The following IFT74 variants were observed in gnomAD, a reference collection of about 807,000 sequenced individuals.
IFT74 encodes the protein intraflagellar transport protein 74 homolog.
In IFT74, 92 loss-of-function variants were observed where a neutral mutation model predicts 96.7. The observed-to-expected ratio is 0.95, with a 90% CI of 0.80 to 1.13. IFT74 has a LOEUF of 1.13. IFT74 is among the 50% of genes most tolerant of loss of function. The probability of loss-of-function intolerance (pLI) is 0.00; values close to 1 mark genes in which losing one functional copy is unlikely to be tolerated. For missense variants in IFT74, 811 were observed against 698.2 expected (o/e 1.16, Z -1.82); for synonymous variants, 223 against 213.2 (o/e 1.05, Z -0.40).
rs189611335 is a variant in IFT74, at chr9:27,052,639, A to G, written c.1334-2970A>G. ...TAGTATGATAAGGATTTTGCTGGAA[A>G]TTTTTCTTTGTAAGGGTTAAATTCT... On this transcript the variant is annotated intron_variant, in intron 16 of 19. Coordinates refer to ENST00000380062, the MANE Select transcript of IFT74 (RefSeq NM_025103.4). Among the ~76,000 whole-genome samples the G allele has an allele frequency of 2.0e-5, 3 of 152,110 alleles. No individual in the cohort carries two copies. In the East Asian group the frequency reaches 5.8e-4, roughly 29 times the overall value.
intron 2 of IFT74, among the ~76,000 whole-genome samples, chr9:26,964,325 C>T (rs1321160787): frequency 2.7e-5 from 4 of 148,704 alleles, no homozygotes; most frequent in African/African-American, 5.0e-5. Flanking sequence ...TGATCTATAT[C>T]TCTGTTTTGG....
At chr9:26,985,466 CAAT>C (rs1827591895) in intron 6 of IFT74, among the ~76,000 whole-genome samples, 1 of 151,880 alleles carries the variant, frequency 6.6e-6, no homozygotes, top group African/African-American at 2.4e-5. Context: ...ATTTCAAAAA[CAAT>C]AAAACATTTG....
intron 2 of IFT74, among the ~76,000 whole-genome samples, chr9:26,964,359 T>G (rs868346082): frequency 2.1e-4 from 32 of 150,284 alleles, no homozygotes; most frequent in South Asian, 1.5e-3. Context: ...CTGTTTTGGT[T>G]ACTGTAGCCT....
At chr9:27,033,573 C>CAAAAAAAAAAAAAAAAAAAAAAAAAAA (rs558712485) in intron 13 of IFT74, among the ~76,000 whole-genome samples, 1 of 66,288 alleles carries the variant, frequency 1.5e-5, no homozygotes, top group Non-Finnish European at 3.1e-5. Flanking sequence ...GACCCTGTCT[C>CAAAAAAAAAAAAAAAAAAAAAAAAAAA]AAAAAAAAAA....
At position 26,977,361 on chromosome 9, in the gene IFT74, G is replaced by C. The variant is rs1044877560; in HGVS notation, c.121-767G>C. On this transcript the variant is annotated intron_variant, in intron 2 of 19. Coordinates refer to ENST00000380062, the MANE Select transcript of IFT74 (RefSeq NM_025103.4). ...ACCTGTAATCCCAGCTACTTGGATA[G>C]CTGAGGCAGAAGGATCTCTTCAGGC... Among the ~76,000 whole-genome samples the C allele has an allele frequency of 2.0e-5, 3 of 152,328 alleles. No homozygotes were observed. In the East Asian group the frequency reaches 5.8e-4, roughly 29 times the overall value.
intron 13 of IFT74, among the ~76,000 whole-genome samples, chr9:27,042,972 A>G (rs1819542401): frequency 1.3e-5 from 2 of 152,258 alleles, no homozygotes; most frequent in African/African-American, 4.8e-5. Context: ...ATAAACACAC[A>G]CACATATACA....
Position 27,051,352 on chromosome 9 carries a change from T to G in IFT74, c.1333+3078T>G, listed in dbSNP as rs549261376. On this transcript the variant is annotated intron_variant, in intron 16 of 19. Transcript: ENST00000380062. The stretch of plus-strand genomic sequence containing the variant: ...CGTAGTTTTTTTTTGTATGTCTATA[T>G]GCCAAGTAACTGGAGGAGTTACATT... 2.6e-5 allele frequency among the ~76,000 whole-genome samples: 4 copies of G among 152,306 alleles called. No homozygotes were observed. In the South Asian group the frequency reaches 8.3e-4, roughly 32 times the overall value.
intron 8 of IFT74, chr9:26,996,468 G>A (rs1450955980): frequency 2.0e-6 from 3 of 1,528,158 alleles, no homozygotes; most frequent in Non-Finnish European, 2.7e-6. Flanking sequence ...GCAGGCTGTT[G>A]GGGTAGCTAC....
At chr9:26,947,353 G>T (rs895082963) in intron 1 of IFT74, 3 of 363,030 alleles carry the variant, frequency 8.3e-6, no homozygotes, top group African/African-American at 2.1e-5. Context: ...CCAGGGCTCT[G>T]GACTCCCTGC....
intron 12 of IFT74, among the ~76,000 whole-genome samples, chr9:27,026,507 C>G (rs767391704): frequency 6.6e-6 from 1 of 152,168 alleles, no homozygotes; most frequent in Non-Finnish European, 1.5e-5. Flanking sequence ...TTCTACCCAA[C>G]AACTGCAGAA....
intron 16 of IFT74, among the ~76,000 whole-genome samples, chr9:27,053,725 T>TTGTG (rs1258298734): frequency 2.6e-5 from 4 of 152,350 alleles, no homozygotes; most frequent in Non-Finnish European, 4.4e-5. Context: ...AAAAATCAAT[T>TTGTG]TGTATGGTTC....
At chr9:27,043,861 T>A (rs2092535374) in intron 13 of IFT74, among the ~76,000 whole-genome samples, 1 of 152,194 alleles carries the variant, frequency 6.6e-6, no homozygotes, top group African/African-American at 2.4e-5. Context: ...AGCTTTCATC[T>A]TTCACCCAGA....
chr9:27,038,654 C>A (rs1227440265), intron 13 of IFT74, among the ~76,000 whole-genome samples: 1 of 152,162 alleles, frequency 6.6e-6, no homozygotes, highest in Admixed American at 6.5e-5. Flanking sequence ...CTTCGAGGAA[C>A]ACATAGAAGA....
At chr9:26,950,578 A>T (rs1004620785) in intron 1 of IFT74, among the ~76,000 whole-genome samples, 1 of 152,190 alleles carries the variant, frequency 6.6e-6, no homozygotes, top group Non-Finnish European at 1.5e-5. Flanking sequence ...AAACGACAAC[A>T]ACAAAAAACT....
At chr9:26,987,276 G>T (rs540617273) in intron 6 of IFT74, among the ~76,000 whole-genome samples, 1 of 152,040 alleles carries the variant, frequency 6.6e-6, no homozygotes, top group Non-Finnish European at 1.5e-5. Context: ...ATTTTTAGTA[G>T]AGAAGGGGTT....
At chr9:26,995,914 T>C (rs1313519925) in intron 8 of IFT74, 1 of 1,122,828 alleles carries the variant, frequency 8.9e-7, no homozygotes, top group African/African-American at 1.6e-5. Context: ...ATAATCATAA[T>C]TATATATCCT....
intron 16 of IFT74, among the ~76,000 whole-genome samples, chr9:27,048,624 TACAG>T (rs1481572507): frequency 6.6e-6 from 1 of 152,188 alleles, no homozygotes; most frequent in African/African-American, 2.4e-5. Context: ...CTTTGATTTG[TACAG>T]AGGTGATTGA....
chr9:26,984,058 A>G, intron 4 of IFT74, 199 bp from the exon 5 acceptor site: 1 of 363,642 alleles, frequency 2.7e-6, no homozygotes, highest in Non-Finnish European at 4.9e-6. Context: ...TGTTGGGATT[A>G]CAGGCTTGAC....
upstream of IFT74, among the ~76,000 whole-genome samples, chr9:26,953,424 T>C (rs959761095): frequency 1.2e-4 from 19 of 152,316 alleles, no homozygotes; most frequent in African/African-American, 4.6e-4. Flanking sequence ...TCAGCATATG[T>C]CATTTATATG....
Sources: gnomAD v4.1 joint callset for allele counts (sites outside exome capture counted in the v4.1 genomes callset) on GRCh38, gnomAD v4.1.1 for gene constraint, MANE v1.5 for transcripts, NCBI Gene and HGNC (gene_info 2026-07-23, HGNC 2026-07-21) for gene names.